Variants in KDM4E observed in about 807,000 individuals in gnomAD.
The protein encoded by KDM4E is lysine demethylase 4E, also known as lysine-specific demethylase 4E.
For synonymous variants in KDM4E, 229 were observed against 232.9 expected (o/e 0.98, Z 0.15); for missense variants, 576 against 642.6 (o/e 0.90, Z 1.12).
At position 95,027,274 on chromosome 11, in the gene KDM4E, T is replaced by C. The variant is rs1858283771; in HGVS notation, c.*196T>C. On this transcript the variant is annotated 3_prime_UTR_variant, in exon 1 of 1. Transcript: ENST00000450979. ...AATGTCATTGTGCCTTTGATTAAGT[T>C]TTCCAGGGACACTGGTGGGGACTGG... is the stretch of plus-strand genomic sequence containing the variant. 1.3e-6 allele frequency: 1 copy of C among 762,714 alleles called. No homozygotes were observed. Among genetic ancestry groups the C allele is most frequent in the South Asian group, 2.0e-5 (1 of 50,614 alleles). The allele number at this position is 762,714 out of a possible 1,614,324, so 47.2% of individuals were successfully genotyped here. A position where few individuals can be genotyped will look rare whatever the true frequency, so the allele number is the denominator to read the frequency against.
In KDM4E at chr11:95,026,654, GA is replaced by G. The variant is rs1858272416; in HGVS notation, c.1098del (p.Ala367LeufsTer5). ...TGGAGAGATGATATAGTACTTAGAA[GA>G]GCTGCTCTGGGCCTGAGGCTTCTCC... The part of the protein sequence containing the change: ...SNWRDDIVLR[R>X]AALGLRLLPN... On this transcript the variant is annotated frameshift_variant, in exon 1 of 1. Coordinates refer to ENST00000450979, the MANE Select transcript of KDM4E (RefSeq NM_001161630.1). LOFTEE classifies it low-confidence loss of function (END_TRUNC). 1 of 1,537,140 alleles carries G rather than the reference GA, an allele frequency of 6.5e-7. No individual in the cohort carries two copies. Among genetic ancestry groups the G allele is most frequent in the African/African-American group, 1.4e-5 (1 of 73,036 alleles).
Position 95,027,304 on chromosome 11 carries a change from G to T in KDM4E, c.*226G>T, listed in dbSNP as rs1467515017. 1.6e-6 allele frequency: 1 copy of T among 607,234 alleles called. No homozygotes were observed. Among genetic ancestry groups the T allele is most frequent in the Non-Finnish European group, 2.8e-6 (1 of 358,786 alleles). The allele number at this position is 607,234 out of a possible 1,614,324, so 37.6% of individuals were successfully genotyped here. A position where few individuals can be genotyped will look rare whatever the true frequency, so the allele number is the denominator to read the frequency against. On this transcript the variant is annotated 3_prime_UTR_variant, in exon 1 of 1. Transcript: ENST00000450979. ...AGGGACACTGGTGGGGACTGGAACT[G>T]ATTAAGTTCACCAGGGACACTTGCC...
chr11:95,025,390 C>A lies in KDM4E; in HGVS notation c.-168C>A. 2 of 965,706 alleles carry A rather than the reference C, an allele frequency of 2.1e-6. No individual in the cohort carries two copies. Among genetic ancestry groups the A allele is most frequent in the Non-Finnish European group, 1.5e-6 (1 of 680,738 alleles). The allele number at this position is 965,706 out of a possible 1,614,324, so 59.8% of individuals were successfully genotyped here. A position where few individuals can be genotyped will look rare whatever the true frequency, so the allele number is the denominator to read the frequency against. ...GGAGTCCCCCTGGGGAGTCAGAAAG[C>A]CTGTGAAAGATCTCACTTGTTCAAA... is the stretch of plus-strand genomic sequence containing the variant. On this transcript the variant is annotated 5_prime_UTR_variant, in exon 1 of 1. Transcript: ENST00000450979.
Position 95,026,892 on chromosome 11 carries a change from AG to A in KDM4E, c.1337del (p.Gly446ValfsTer35). The A allele has an allele frequency of 6.5e-7, 1 of 1,536,868 alleles. No individual in the cohort carries two copies. ...GSGRGRGRGQGQGRGCSRGRG... is the reference protein window; with the variant it reads ...GSGRGRGRGQXQGRGCSRGRG... ...CTGGTCGTGGTCGTGGTCGTGGTCA[AG>A]GTCAAGGTCGAGGTTGCAGTCGTGG... On this transcript the variant is annotated frameshift_variant, in exon 1 of 1. Transcript: ENST00000450979. LOFTEE classifies it low-confidence loss of function (END_TRUNC).
In KDM4E at chr11:95,026,364, G is replaced by A. The variant is rs911093601; in HGVS notation, c.807G>A (p.Met269Ile). ...NCMTQEAGEF[M>I]VTFPYGYHAG... The stretch of plus-strand genomic sequence containing the variant: ...TGACTCAGGAGGCTGGGGAGTTCAT[G>A]GTGACCTTTCCCTATGGCTACCATG... Residue 269 changes from methionine to isoleucine, a missense_variant, in exon 1 of 1, where the codon ATG (methionine) becomes ATA (isoleucine). Met to Ile is a conservative substitution (Grantham distance 10). Coordinates refer to ENST00000450979, the MANE Select transcript of KDM4E (RefSeq NM_001161630.1). The A allele has an allele frequency of 1.4e-5, 22 of 1,613,976 alleles. No individual in the cohort carries two copies. The highest frequency in any genetic ancestry group is 2.7e-5 in the African/African-American group (2 of 74,918).
In KDM4E at chr11:95,027,077, G is replaced by A. The variant is rs1555103082; in HGVS notation, c.1520G>A (p.Ter507=). The A allele has an allele frequency of 1.3e-5, 20 of 1,536,050 alleles. No homozygotes were observed. The Admixed American group carries it at 2.0e-4, about 15-fold the overall frequency. The stretch of plus-strand genomic sequence containing the variant: ...GATTTGATGACAAATCTGTCCCTTT[G>A]AGTGGTGGCCTTCAGCATCTTGCCA... ...ANDLMTNLSL[*] is the part of the protein sequence containing the mutation. The change falls in exon 1 of 1, where the codon TGA becomes TAA. Residue 507 remains the stop codon, a stop_retained_variant. Transcript: ENST00000450979.
rs1273996957 is a variant in KDM4E at position 95,026,550 on chromosome 11, G to A, written c.993G>A (p.Glu331=). The A allele has an allele frequency of 1.0e-5, 16 of 1,544,876 alleles. No individual in the cohort carries two copies. Among genetic ancestry groups the A allele is most frequent in the African/African-American group, 8.1e-5 (6 of 73,656 alleles). ...GCATTGTGCAACCCGAGAGTTATGA[G>A]CTCTGGAAACACAGGCAAGACTTGG... The part of the protein sequence containing the change: ...FVRIVQPESY[E]LWKHRQDLAI... The change falls in exon 1 of 1, where the codon GAG becomes GAA. Residue 331 remains glutamate, a synonymous_variant. Coordinates refer to ENST00000450979, the MANE Select transcript of KDM4E (RefSeq NM_001161630.1).
Position 95,026,313 on chromosome 11 carries a change from G to A in KDM4E, c.756G>A (p.Lys252=), listed in dbSNP as rs782318946. ...CCCTCATCTCGCCTACAGTTCTCAA[G>A]GAAAATGGGATTCCCTTCAATTGCA... ...KVALISPTVL[K]ENGIPFNCMT... Residue 252 remains lysine (K), a synonymous_variant, in exon 1 of 1, where the codon AAG becomes AAA. Transcript: ENST00000450979. 4.3e-6 allele frequency: 7 copies of A among 1,614,038 alleles called. No individual in the cohort carries two copies. The highest frequency in any genetic ancestry group is 5.9e-6 in the Non-Finnish European group (7 of 1,180,024).
In KDM4E at chr11:95,026,252, C is replaced by A. The variant is rs782649976; in HGVS notation, c.695C>A (p.Ser232Tyr). 8.1e-6 allele frequency: 13 copies of A among 1,614,136 alleles called. No individual in the cohort carries two copies. In the South Asian group the frequency reaches 1.3e-4, roughly 16 times the overall value. Residue 232 changes from serine to tyrosine, a missense_variant, in exon 1 of 1, where the codon TCT (serine) becomes TAT (tyrosine). Ser to Tyr is a moderately radical substitution (Grantham distance 144). Transcript: ENST00000450979. ...RLARELFPDI[S>Y]RGCEAFLRHK... is the part of the protein sequence containing the mutation. ...GCCAGGGAGCTCTTCCCAGACATTT[C>A]TCGGGGCTGTGAGGCCTTCCTGCGG...
In KDM4E at chr11:95,027,389, C is replaced by CA; in HGVS notation, c.*311_*312insA. The CA allele has an allele frequency of 2.8e-6, 1 of 357,216 alleles. No individual in the cohort carries two copies. Among genetic ancestry groups the CA allele is most frequent in the South Asian group, 5.3e-5 (1 of 19,026 alleles). The allele number at this position is 357,216 out of a possible 1,614,324, so 22.1% of individuals were successfully genotyped here. ...CTTTTACGGCTCTAGGGTTCTGACT[C>CA]CAACTAAGTTTTCCAGAATCTCCTG... On this transcript the variant is annotated 3_prime_UTR_variant, in exon 1 of 1. Coordinates refer to ENST00000450979, the MANE Select transcript of KDM4E (RefSeq NM_001161630.1).
Position 95,026,187 on chromosome 11 carries a change from C to G in KDM4E, c.630C>G (p.Tyr210Ter), listed in dbSNP as rs371422455. The change falls in exon 1 of 1, where the codon TAC becomes TAG. Residue 210 changes from tyrosine (Y) to a stop codon, truncating the protein, a stop_gained. Coordinates refer to ENST00000450979, the MANE Select transcript of KDM4E (RefSeq NM_001161630.1). LOFTEE classifies it low-confidence loss of function (END_TRUNC). ...YLHFGEPKTW[Y>*]VVPPEHGQHL... Reference sequence around the variant, plus strand: ...ACTTTGGGGAGCCCAAAACTTGGTACGTGGTGCCCCCAGAACATGGTCAGC... The same window carrying G: ...ACTTTGGGGAGCCCAAAACTTGGTAGGTGGTGCCCCCAGAACATGGTCAGC... The G allele has an allele frequency of 1.2e-6, 2 of 1,614,020 alleles. No homozygotes were observed. The highest frequency in any genetic ancestry group is 1.7e-6 in the Non-Finnish European group (2 of 1,180,030).
chr11:95,025,509 C>G lies in KDM4E; in HGVS notation c.-49C>G, dbSNP rs149050980. On this transcript the variant is annotated 5_prime_UTR_variant, in exon 1 of 1. It adds an upstream start codon to the 5' untranslated region. Coordinates refer to ENST00000450979, the MANE Select transcript of KDM4E (RefSeq NM_001161630.1). ...ATTACTCCCCAGAACTCTCAGGCATCTAGAGGACACCCAAGAACGTGGGAG... is the reference window on the plus strand; with the variant it reads ...ATTACTCCCCAGAACTCTCAGGCATGTAGAGGACACCCAAGAACGTGGGAG... 1 of 1,490,212 alleles carries G rather than the reference C, an allele frequency of 6.7e-7. No individual in the cohort carries two copies. The highest frequency in any genetic ancestry group is 1.3e-5 in the South Asian group (1 of 76,856). The allele number at this position is 1,490,212 out of a possible 1,614,324, so 92.3% of individuals were successfully genotyped here.
rs1240403289 is a variant in KDM4E, at chr11:95,027,448, T to A, written c.*370T>A. 4 of 234,586 alleles carry A rather than the reference T, an allele frequency of 1.7e-5. No individual in the cohort carries two copies. Among genetic ancestry groups the A allele is most frequent in the African/African-American group, 8.9e-5 (4 of 44,800 alleles). The allele number at this position is 234,586 out of a possible 1,614,324, so 14.5% of individuals were successfully genotyped here. ...ACTCATCTGCTGGGTCTAAAGACAC[T>A]GAGTTTAGGGATATTTTCCTCCAAT... On this transcript the variant is annotated 3_prime_UTR_variant, in exon 1 of 1. Transcript: ENST00000450979.
At position 95,026,102 on chromosome 11, in the gene KDM4E, G is replaced by A; in HGVS notation, c.545G>A (p.Trp182Ter). ...VNTPYLYFGMWKTTFAWHTED... is the reference protein window; with the variant it reads ...VNTPYLYFGM ...ACACCCTACCTGTACTTTGGCATGT[G>A]GAAGACCACGTTTGCCTGGCACACA... The change falls in exon 1 of 1, where the codon TGG becomes TAG. Residue 182 changes from tryptophan to a stop codon, truncating the protein, a stop_gained. Transcript: ENST00000450979. LOFTEE classifies it low-confidence loss of function (END_TRUNC). 6.2e-7 allele frequency: 1 copy of A among 1,614,038 alleles called. No individual in the cohort carries two copies. Among genetic ancestry groups the A allele is most frequent in the Non-Finnish European group, 8.5e-7 (1 of 1,179,964 alleles).
rs1482193058 is a variant in KDM4E at position 95,026,824 on chromosome 11, A to G, written c.1267A>G (p.Met423Val). 1.3e-6 allele frequency: 2 copies of G among 1,536,960 alleles called. No individual in the cohort carries two copies. Among genetic ancestry groups the G allele is most frequent in the Admixed American group, 2.0e-5 (1 of 50,984 alleles). Residue 423 changes from methionine to valine, a missense_variant, in exon 1 of 1, where the codon ATG (methionine) becomes GTG (valine). Coordinates refer to ENST00000450979, the MANE Select transcript of KDM4E (RefSeq NM_001161630.1). ...HTQTQSLTLGMSARVLLPSTG... is the reference protein window; with the variant it reads ...HTQTQSLTLGVSARVLLPSTG... ...CCAGACCCAGTCACTTACCCTGGGG[A>G]TGTCAGCCAGGGTTCTTCTCCCTTC...
At position 95,026,974 on chromosome 11, in the gene KDM4E, C is replaced by A. The variant is rs1173429077; in HGVS notation, c.1417C>A (p.Pro473Thr). Residue 473 changes from proline to threonine, a missense_variant, in exon 1 of 1, where the codon CCT becomes ACT. Physicochemically the swap from Pro to Thr is conservative, Grantham distance 38. Transcript: ENST00000450979. ...GGGGACTGAGGAGCCAACTGTTCAG[C>A]CTGCATCCAAGAGGCGCCTTTTAAT... ...ELGTEEPTVQ[P>T]ASKRRLLMGT... The A allele has an allele frequency of 1.4e-5, 22 of 1,537,096 alleles. No homozygotes were observed. Among genetic ancestry groups the A allele is most frequent in the Non-Finnish European group, 1.8e-5 (21 of 1,146,916 alleles).
At position 95,027,015 on chromosome 11, in the gene KDM4E, A is replaced by G; in HGVS notation, c.1458A>G (p.Arg486=). The part of the protein sequence containing the change: ...KRRLLMGTRS[R]AQGHRPQLPL... ...GCCTTTTAATGGGTACAAGGAGTAG[A>G]GCTCAAGGCCACAGGCCTCAGCTCC... Residue 486 remains arginine, a synonymous_variant, in exon 1 of 1, where the codon AGA becomes AGG. Transcript: ENST00000450979. 1.3e-6 allele frequency: 2 copies of G among 1,537,192 alleles called. No homozygotes were observed. The highest frequency in any genetic ancestry group is 1.2e-5 in the South Asian group (1 of 84,058).
chr11:95,025,461 G>C lies in KDM4E; in HGVS notation c.-97G>C. The stretch of plus-strand genomic sequence containing the variant: ...TCTCACAGATAAACCAAAGTATTTT[G>C]AAAAACAAAGGGGAGAAAAGAAATT... On this transcript the variant is annotated 5_prime_UTR_variant, in exon 1 of 1. Coordinates refer to ENST00000450979, the MANE Select transcript of KDM4E (RefSeq NM_001161630.1). 1 of 1,436,506 alleles carries C rather than the reference G, an allele frequency of 7.0e-7. No individual in the cohort carries two copies. Among genetic ancestry groups the C allele is most frequent in the Non-Finnish European group, 9.1e-7 (1 of 1,098,982 alleles). 89.0% of individuals were successfully genotyped at this position (1,436,506 alleles called of 1,614,324 possible). A position where few individuals can be genotyped will look rare whatever the true frequency, so the allele number is the denominator to read the frequency against.
At position 95,027,055 on chromosome 11, in the gene KDM4E, T is replaced by TTGATG; in HGVS notation, c.1499_1503dup (p.Thr502Ter). On this transcript the variant is annotated frameshift_variant, in exon 1 of 1. Transcript: ENST00000450979. LOFTEE classifies it low-confidence loss of function (END_TRUNC). The stretch of plus-strand genomic sequence containing the variant: ...GCCTCAGCTCCCGCTTGCCAATGAT[T>TTGATG]TGATGACAAATCTGTCCCTTTGAGT... The TTGATG allele has an allele frequency of 6.5e-7, 1 of 1,537,168 alleles. No homozygotes were observed. Among genetic ancestry groups the TTGATG allele is most frequent in the East Asian group, 2.4e-5 (1 of 40,908 alleles).
Sources: gnomAD v4.1 joint callset for allele counts on GRCh38, gnomAD v4.1.1 for gene constraint, MANE v1.5 for transcripts, NCBI Gene and HGNC (gene_info 2026-07-23, HGNC 2026-07-21) for gene names.